Variants in GRM7 observed in about 807,000 individuals in gnomAD.
The protein encoded by GRM7 is metabotropic glutamate receptor 7.
In GRM7, 35 loss-of-function variants were observed where a neutral mutation model predicts 84.5. The ratio of observed to expected loss-of-function variants is 0.41; its 90% CI spans 0.32 to 0.55. The LOEUF (loss-of-function observed/expected upper bound fraction) is 0.55, where lower values mean the gene tolerates loss of function less well. Ranked by LOEUF, GRM7 falls within the 20% of genes least tolerant of loss-of-function variation. The pLI is 0.19. For synonymous variants in GRM7, 487 were observed against 455.1 expected (o/e 1.07, Z -0.89); for missense variants, 1,003 against 1,194.6 (o/e 0.84, Z 2.36).
At chr3:6,882,497 A>T (rs935915735) in intron 1 of GRM7, among the ~76,000 whole-genome samples, 1 of 152,080 alleles carries the variant, frequency 6.6e-6, no homozygotes, top group Non-Finnish European at 1.5e-5. Flanking sequence ...CATGGGCTAT[A>T]GTTGCACCAC....
Position 7,578,835 on chromosome 3 carries a change from T to C in GRM7, c.1929T>C (p.Thr643=). 1 of 1,614,160 alleles carries C rather than the reference T, an allele frequency of 6.2e-7. No individual in the cohort carries two copies. Among genetic ancestry groups the C allele is most frequent in the Non-Finnish European group, 8.5e-7 (1 of 1,180,016 alleles). ...GCATCTTTCTTTGCTACATCATCAC[T>C]TTCCTGATGATTGCCAAACCAGATG... ...LTGIFLCYII[T]FLMIAKPDVA... is the part of the protein sequence containing the mutation. The change falls in exon 8 of 10, where the codon ACT becomes ACC. Residue 643 remains threonine (T), a synonymous_variant. Transcript: ENST00000357716.
intron 1 of GRM7, among the ~76,000 whole-genome samples, chr3:6,973,037 C>G (rs17046505): frequency 0.014 from 2,093 of 152,242 alleles, 50 homozygotes; most frequent in African/African-American, 0.048. Flanking sequence ...AGCTATGGCA[C>G]TTTGGGCATT....
At chr3:7,226,923 C>G (rs905633690) in intron 2 of GRM7, among the ~76,000 whole-genome samples, 7 of 152,148 alleles carry the variant, frequency 4.6e-5, no homozygotes, top group African/African-American at 1.7e-4. Flanking sequence ...TGGCATTGCT[C>G]TGATTTGCTC....
intron 2 of GRM7, among the ~76,000 whole-genome samples, chr3:7,257,132 G>A (rs898486777): frequency 6.6e-6 from 1 of 152,118 alleles, no homozygotes; most frequent in Non-Finnish European, 1.5e-5. Flanking sequence ...TCCCTTTTTA[G>A]GGAGCACTAA....
At chr3:6,960,536 G>A (rs1399700224) in intron 1 of GRM7, among the ~76,000 whole-genome samples, 1 of 152,032 alleles carries the variant, frequency 6.6e-6, no homozygotes, top group Non-Finnish European at 1.5e-5. Context: ...AAGCATCCCA[G>A]GATTTTAAAT....
At chr3:7,451,143 A>G (rs1697749991) in intron 5 of GRM7, among the ~76,000 whole-genome samples, 1 of 152,214 alleles carries the variant, frequency 6.6e-6, no homozygotes, top group African/African-American at 2.4e-5. Context: ...CAATTTGTGG[A>G]TAATTCTTCT....
At chr3:7,358,356 A>AGGCTGGAGTGCAGTGGCATGATCTC (rs1217374525) in intron 4 of GRM7, among the ~76,000 whole-genome samples, 4 of 125,468 alleles carry the variant, frequency 3.2e-5, no homozygotes, top group Admixed American at 7.9e-5. Context: ...ACTGAGTCCC[A>AGGCTGGAGTGCAGTGGCATGATCTC]GGAGATCATC....
At chr3:7,077,455 A>G (rs1698128314) in intron 1 of GRM7, among the ~76,000 whole-genome samples, 1 of 151,846 alleles carries the variant, frequency 6.6e-6, no homozygotes. Flanking sequence ...CATCATTCTC[A>G]GCAAACTAAT....
intron 1 of GRM7, among the ~76,000 whole-genome samples, chr3:6,901,604 TAAAAAAAAAAA>T (rs33945077): frequency 0.014 from 563 of 40,524 alleles, 16 homozygotes; most frequent in African/African-American, 0.048. Flanking sequence ...AGACTCCGTC[TAAAAAAAAAAA>T]AAAAAAAAAA....
At chr3:7,138,761 T>G (rs553179196) in intron 1 of GRM7, among the ~76,000 whole-genome samples, 1 of 151,688 alleles carries the variant, frequency 6.6e-6, no homozygotes, top group Non-Finnish European at 1.5e-5. Flanking sequence ...TATGTTACCA[T>G]ATATCTATAT....
chr3:7,548,545 T>C (rs1693282995), intron 7 of GRM7, among the ~76,000 whole-genome samples: 2 of 152,224 alleles, frequency 1.3e-5, no homozygotes, highest in African/African-American at 2.4e-5. Context: ...CCAGACTATA[T>C]TTTAATGGAA....
At chr3:6,890,222 T>G (rs1320785558) in intron 1 of GRM7, among the ~76,000 whole-genome samples, 2 of 152,322 alleles carry the variant, frequency 1.3e-5, no homozygotes, top group East Asian at 3.9e-4. Flanking sequence ...TTTTTGTGTC[T>G]CTATTTCCTT....
chr3:7,649,159 T>C (rs535260714), intron 8 of GRM7, among the ~76,000 whole-genome samples: 58 of 151,880 alleles, frequency 3.8e-4, no homozygotes, highest in African/African-American at 1.4e-3. Context: ...TAGCTCCGCC[T>C]CCCGGGTTCA....
intron 1 of GRM7, among the ~76,000 whole-genome samples, chr3:6,936,386 C>T (rs936007002): frequency 2.8e-4 from 42 of 152,254 alleles, no homozygotes; most frequent in African/African-American, 9.9e-4. Context: ...CCAGTTGTAC[C>T]GGTGTGGCAC....
intron 2 of GRM7, among the ~76,000 whole-genome samples, chr3:7,157,456 T>C (rs186644778): frequency 2.0e-5 from 3 of 152,166 alleles, no homozygotes; most frequent in African/African-American, 7.2e-5. Context: ...AAAGTAGTTC[T>C]GTTGAAATTT....
chr3:7,707,980 C>G (rs1441027212), intron 9 of GRM7, among the ~76,000 whole-genome samples: 2 of 135,012 alleles, frequency 1.5e-5, no homozygotes, highest in African/African-American at 5.6e-5. Context: ...TAAAGCAAGC[C>G]TTTTTTTAAC....
chr3:7,222,508 A>G (rs529899780), intron 2 of GRM7, among the ~76,000 whole-genome samples: 2 of 152,282 alleles, frequency 1.3e-5, no homozygotes, highest in East Asian at 1.9e-4. Context: ...AAGTCAGCCA[A>G]TGGCCTGAAT....
chr3:7,541,665 T>C (rs558392484), intron 7 of GRM7, among the ~76,000 whole-genome samples: 14 of 152,226 alleles, frequency 9.2e-5, no homozygotes, highest in Non-Finnish European at 2.1e-4. Flanking sequence ...TGTGACAACC[T>C]TAATCCAATC....
chr3:7,137,076 C>G (rs1026780184), intron 1 of GRM7, among the ~76,000 whole-genome samples: 4 of 152,044 alleles, frequency 2.6e-5, no homozygotes, highest in African/African-American at 9.7e-5. Flanking sequence ...AACTTTTGAT[C>G]ATTCTTTCAG....
Sources: gnomAD v4.1 joint callset for allele counts (sites outside exome capture counted in the v4.1 genomes callset) on GRCh38, gnomAD v4.1.1 for gene constraint, MANE v1.5 for transcripts, NCBI Gene and HGNC (gene_info 2026-07-23, HGNC 2026-07-21) for gene names.